DDX10: variants seen among roughly 807,000 people sequenced by gnomAD.
The protein encoded by DDX10 is DEAD-box helicase 10.
In DDX10, 74 loss-of-function variants were observed where a neutral mutation model predicts 104.3. That is an observed-to-expected ratio of 0.71 (90% CI 0.59 to 0.86). DDX10 has a LOEUF of 0.86. DDX10 is among the 40% of genes least tolerant of loss of function. The probability of loss-of-function intolerance (pLI) is 0.00; values close to 1 mark genes in which losing one functional copy is unlikely to be tolerated. For synonymous variants in DDX10, 351 were observed against 353.4 expected (o/e 0.99, Z 0.08); for missense variants, 952 against 1,040.0 (o/e 0.92, Z 1.16).
chr11:108,924,969 A>G (rs1213001499), intron 17 of DDX10, among the ~76,000 whole-genome samples: 1 of 152,200 alleles, frequency 6.6e-6, no homozygotes, highest in Non-Finnish European at 1.5e-5. Context: ...CAGCTTAATT[A>G]TATAGTGAAT....
chr11:108,752,451 T>C (rs1287077170), intron 13 of DDX10, among the ~76,000 whole-genome samples: 1 of 152,138 alleles, frequency 6.6e-6, no homozygotes, highest in Non-Finnish European at 1.5e-5. Context: ...AGAGCCTTGA[T>C]TAAATTCACA....
chr11:108,904,932 A>G (rs867839890), intron 16 of DDX10, among the ~76,000 whole-genome samples: 26 of 152,292 alleles, frequency 1.7e-4, no homozygotes, highest in South Asian at 1.2e-3. Flanking sequence ...GTCACCAGGC[A>G]GCTGAAACCT....
At chr11:108,831,023 C>A (rs976909914) in intron 13 of DDX10, among the ~76,000 whole-genome samples, 2 of 151,448 alleles carry the variant, frequency 1.3e-5, no homozygotes, top group Admixed American at 6.6e-5. Flanking sequence ...TAAACAAGTT[C>A]TATTAGAGTT....
At chr11:108,875,610 C>T (rs909736006) in intron 16 of DDX10, among the ~76,000 whole-genome samples, 2 of 152,170 alleles carry the variant, frequency 1.3e-5, no homozygotes, top group African/African-American at 4.8e-5. Flanking sequence ...TGTTCATCCA[C>T]AACAAATGAC....
chr11:108,866,434 C>G lies in DDX10; in HGVS notation c.2304+14225C>G, dbSNP rs561288796. 1.1e-4 allele frequency among the ~76,000 whole-genome samples: 17 copies of G among 152,142 alleles called. No individual in the cohort carries two copies. In the South Asian group the frequency reaches 3.3e-3, roughly 30 times the overall value. On this transcript the variant is annotated intron_variant, in intron 16 of 17. Coordinates refer to ENST00000322536, the MANE Select transcript of DDX10 (RefSeq NM_004398.4). ...GGCGGGCTGGAGCAGCTTGGAAGGT[C>G]ACTTTGGAGACCATTTCAGTAGTTG...
intron 13 of DDX10, among the ~76,000 whole-genome samples, chr11:108,828,126 G>T (rs948869386): frequency 1.3e-5 from 2 of 151,994 alleles, no homozygotes; most frequent in Non-Finnish European, 2.9e-5. Context: ...CTACTTGCTG[G>T]GGGTGGTATT....
intron 8 of DDX10, among the ~76,000 whole-genome samples, chr11:108,692,299 T>C (rs1003543066): frequency 6.6e-6 from 1 of 151,956 alleles, no homozygotes; most frequent in African/African-American, 2.4e-5. Flanking sequence ...TCAAAGGGGG[T>C]TAAAAGTTTA....
chr11:108,889,026 G>T (rs1256050624), intron 16 of DDX10, among the ~76,000 whole-genome samples: 2 of 152,110 alleles, frequency 1.3e-5, no homozygotes, highest in African/African-American at 2.4e-5. Context: ...CATCAAATAG[G>T]TTTGTTTGAG....
chr11:108,721,115 G>C lies in DDX10; in HGVS notation c.1499+1230G>C, dbSNP rs11212764. ...TTGGCTTGCTCTTAGGAATTTGAGT[G>C]CCTTTACCTTTAAACTGAGTCTAAC... On this transcript the variant is annotated intron_variant, in intron 12 of 17. Transcript: ENST00000322536. Among the ~76,000 whole-genome samples, 383 of 152,206 alleles carry C rather than the reference G, an allele frequency of 2.5e-3. 12 individuals are homozygous for C. The East Asian group carries it at 0.053, about 21-fold the overall frequency.
intron 13 of DDX10, among the ~76,000 whole-genome samples, chr11:108,789,782 G>A (rs567074965): frequency 6.6e-6 from 1 of 152,300 alleles, no homozygotes; most frequent in East Asian, 1.9e-4. Context: ...TACATGATGA[G>A]AAACCTGGAT....
intron 13 of DDX10, among the ~76,000 whole-genome samples, chr11:108,831,995 A>G (rs1283282673): frequency 6.6e-6 from 1 of 152,176 alleles, no homozygotes; most frequent in Non-Finnish European, 1.5e-5. Context: ...AGAGGTGCAA[A>G]TAGAAATGAA....
chr11:108,765,427 A>G (rs1591812476), intron 13 of DDX10, among the ~76,000 whole-genome samples: 1 of 152,350 alleles, frequency 6.6e-6, no homozygotes, highest in South Asian at 2.1e-4. Context: ...TCTTTCAGAA[A>G]CATTACTTAA....
chr11:108,932,529 T>C (rs895749047), intron 17 of DDX10, among the ~76,000 whole-genome samples: 5 of 151,998 alleles, frequency 3.3e-5, no homozygotes, highest in Non-Finnish European at 7.3e-5. Flanking sequence ...CCATTCTCCA[T>C]TGAATCAGAG....
At chr11:108,898,746 ATACT>A (rs1181339292) in intron 16 of DDX10, among the ~76,000 whole-genome samples, 1 of 152,082 alleles carries the variant, frequency 6.6e-6, no homozygotes, top group Non-Finnish European at 1.5e-5. Context: ...CTGGTAAGAA[ATACT>A]TACACTCTTG....
At chr11:108,937,510 T>C (rs1843510342) in intron 17 of DDX10, among the ~76,000 whole-genome samples, 4 of 152,228 alleles carry the variant, frequency 2.6e-5, no homozygotes, top group Non-Finnish European at 1.5e-5. Flanking sequence ...ATGTTGTATC[T>C]TGTTTTCTTA....
chr11:108,686,084 T>C (rs1591791429), intron 6 of DDX10, among the ~76,000 whole-genome samples: 1 of 152,218 alleles, frequency 6.6e-6, no homozygotes, highest in Non-Finnish European at 1.5e-5. Flanking sequence ...TATTTCTTCT[T>C]TAAAGACTGT....
In DDX10 at chr11:108,694,662, C is replaced by T. The variant is rs564031677; in HGVS notation, c.1223+1062C>T. Among the ~76,000 whole-genome samples, 19 of 152,164 alleles carry T rather than the reference C, an allele frequency of 1.2e-4. No homozygotes were observed. In the South Asian group the frequency reaches 1.7e-3, roughly 13 times the overall value. On this transcript the variant is annotated intron_variant, in intron 9 of 17. Transcript: ENST00000322536. ...TTGGGAGGCCGAGGTGGGCGGATCA[C>T]GAGGTCAGGAGTTCAAGACCAGCCT...
At chr11:108,736,414 G>A (rs1351216353) in intron 13 of DDX10, among the ~76,000 whole-genome samples, 1 of 152,020 alleles carries the variant, frequency 6.6e-6, no homozygotes, top group Admixed American at 6.6e-5. Context: ...ATGCCTCTTG[G>A]GTTATCATGG....
At chr11:108,883,667 T>A (rs1216661271) in intron 16 of DDX10, among the ~76,000 whole-genome samples, 1 of 152,170 alleles carries the variant, frequency 6.6e-6, no homozygotes, top group Non-Finnish European at 1.5e-5. Context: ...CTTCCTCATC[T>A]CTCATCTCTT....
Sources: allele counts gnomAD v4.1 joint callset (sites outside exome capture counted in the v4.1 genomes callset), GRCh38; gene constraint gnomAD v4.1.1; transcripts MANE v1.5; gene names NCBI Gene and HGNC (gene_info 2026-07-23, HGNC 2026-07-21).